The following TSGA10 variants were observed in gnomAD, a reference collection of about 807,000 sequenced individuals.
The protein encoded by TSGA10 is testis specific 10, also known as testis-specific gene 10 protein.
In TSGA10, 43 loss-of-function variants were observed where a neutral mutation model predicts 96.6. That is an observed-to-expected ratio of 0.44 (90% confidence interval 0.35 to 0.57). TSGA10 has a LOEUF of 0.57. Ranked by LOEUF, TSGA10 falls within the 20% of genes least tolerant of loss-of-function variation. The pLI, the probability that TSGA10 is intolerant of heterozygous loss-of-function variation, is 0.01. For missense variants in TSGA10, 703 were observed against 834.4 expected, an observed-to-expected ratio of 0.84 and a Z score of 1.94; for synonymous variants, 229 against 269.9, an observed-to-expected ratio of 0.85 and a Z score of 1.48.
Position 98,997,490 on chromosome 2 carries a change from T to C in TSGA10, c.*707A>G, listed in dbSNP as rs1573256413. 6.6e-6 allele frequency: 1 copy of C among 152,104 alleles called. No individual in the cohort carries two copies. Among genetic ancestry groups the C allele is most frequent in the East Asian group, 1.9e-4 (1 of 5,190 alleles). The allele number at this position is 152,104 out of a possible 1,614,324, so 9.4% of individuals were successfully genotyped here. ...AAAATAAAATCGCAATTAAGTTGATTGCAGTACTTGAAAGAAAACTTATTA... is the reference window on the plus strand; with the variant it reads ...AAAATAAAATCGCAATTAAGTTGATCGCAGTACTTGAAAGAAAACTTATTA... On this transcript the variant is annotated 3_prime_UTR_variant, in exon 21 of 21. Coordinates refer to ENST00000393483, the MANE Select transcript of TSGA10 (RefSeq NM_025244.4).
chr2:99,007,312 G>T (rs1462586417), intron 20 of TSGA10, among the ~76,000 whole-genome samples: 1 of 151,794 alleles, frequency 6.6e-6, no homozygotes. Flanking sequence ...AAAAAAGAGT[G>T]TAAATTTCTC....
At chr2:99,031,136 T>C (rs1573632657) in intron 17 of TSGA10, among the ~76,000 whole-genome samples, 1 of 151,834 alleles carries the variant, frequency 6.6e-6, no homozygotes, top group Non-Finnish European at 1.5e-5. Context: ...GAAAGACAGA[T>C]ACATAGGTAA....
intron 1 of TSGA10, among the ~76,000 whole-genome samples, chr2:99,152,041 T>C (rs375798745): frequency 6.6e-6 from 1 of 152,188 alleles, no homozygotes; most frequent in East Asian, 1.9e-4. Context: ...TTTTTATTAT[T>C]TACAGAACGT....
At chr2:99,045,878 C>T (rs139754819) in intron 16 of TSGA10, among the ~76,000 whole-genome samples, 2,022 of 151,088 alleles carry the variant, frequency 0.013, 175 homozygotes, top group Admixed American at 0.12. Flanking sequence ...AATAAACGGA[C>T]GGAGGAGGAG....
intron 16 of TSGA10, among the ~76,000 whole-genome samples, chr2:99,040,438 C>T (rs573110076): frequency 1.3e-5 from 2 of 152,148 alleles, no homozygotes; most frequent in South Asian, 4.2e-4. Context: ...GTACATAAAT[C>T]ATCACTGCTA....
chr2:99,103,042 C>T (rs2090947685), intron 10 of TSGA10, among the ~76,000 whole-genome samples: 1 of 150,158 alleles, frequency 6.7e-6, no homozygotes, highest in African/African-American at 2.5e-5. Flanking sequence ...GCTTATACTG[C>T]CTTTTTTATA....
chr2:99,151,463 C>CAAAAAA (rs55966864), intron 1 of TSGA10: 3 of 75,342 alleles, frequency 4.0e-5, no homozygotes, highest in Non-Finnish European at 7.5e-5. Flanking sequence ...AACTCCGTCT[C>CAAAAAA]AAAAAAAAAA....
intron 16 of TSGA10, among the ~76,000 whole-genome samples, chr2:99,051,703 T>G (rs1056881348): frequency 6.6e-6 from 1 of 151,982 alleles, no homozygotes; most frequent in African/African-American, 2.4e-5. Context: ...ACATGAAACA[T>G]TCTCTAGAAT....
chr2:99,085,284 A>C lies in TSGA10; in HGVS notation c.612-3887T>G, dbSNP rs937143053. 4.6e-5 allele frequency among the ~76,000 whole-genome samples: 7 copies of C among 151,966 alleles called. No homozygotes were observed. The East Asian group carries it at 1.4e-3, about 29-fold the overall frequency. ...TTAATTAATTTAAAAAATGCATCCA[A>C]AAAAGTAATTAGCCCAAAAAAATTT... On this transcript the variant is annotated intron_variant, in intron 10 of 20. Transcript: ENST00000393483.
In TSGA10 at chr2:99,101,302, C is replaced by G. The variant is rs191043365; in HGVS notation, c.611+2665G>C. 4.8e-5 allele frequency among the ~76,000 whole-genome samples: 6 copies of G among 123,808 alleles called. No homozygotes were observed. The East Asian group carries it at 8.4e-4, about 17-fold the overall frequency. The allele number at this position is 123,808 out of a possible 152,430, so 81.2% of individuals were successfully genotyped here. ...AATCAAATGGGAAAGATGAATAAAT[C>G]TGACTACATAAATAACGTCTGTTAA... On this transcript the variant is annotated intron_variant, in intron 10 of 20. Coordinates refer to ENST00000393483, the MANE Select transcript of TSGA10 (RefSeq NM_025244.4).
intron 20 of TSGA10, among the ~76,000 whole-genome samples, chr2:99,017,921 T>C (rs923489032): frequency 7.9e-5 from 12 of 151,952 alleles, no homozygotes; most frequent in Admixed American, 3.3e-4. Context: ...AAGGAACTTA[T>C]CGGTGTAACA....
chr2:99,098,616 G>GAGA (rs2104752521), intron 10 of TSGA10, among the ~76,000 whole-genome samples: 2 of 150,868 alleles, frequency 1.3e-5, no homozygotes, highest in Admixed American at 1.3e-4. Flanking sequence ...ACAAACAATA[G>GAGA]GATCAAAACC....
intron 12 of TSGA10, among the ~76,000 whole-genome samples, chr2:99,073,585 C>T (rs1335791864): frequency 6.6e-6 from 1 of 152,102 alleles, no homozygotes; most frequent in Non-Finnish European, 1.5e-5. Flanking sequence ...AAAGCTGTTC[C>T]AATCCAATTA....
rs371172909 is a variant in TSGA10, at chr2:99,087,072, T to C, written c.612-5675A>G. 6.2e-4 allele frequency among the ~76,000 whole-genome samples: 94 copies of C among 151,980 alleles called. 1 individual carries two copies. Among genetic ancestry groups the C allele is most frequent in the African/African-American group, 1.9e-3 (79 of 41,446 alleles). Reference sequence around the variant, plus strand: ...ACAAAAAATTAGCCACGTGTGGTGGTGGGCACCTGTAGTCCCAGCTACTGG... The same window carrying C: ...ACAAAAAATTAGCCACGTGTGGTGGCGGGCACCTGTAGTCCCAGCTACTGG... On this transcript the variant is annotated intron_variant, in intron 10 of 20. Coordinates refer to ENST00000393483, the MANE Select transcript of TSGA10 (RefSeq NM_025244.4).
chr2:99,017,691 G>A (rs1159023607), intron 20 of TSGA10, among the ~76,000 whole-genome samples: 2 of 151,322 alleles, frequency 1.3e-5, no homozygotes, highest in Non-Finnish European at 3.0e-5. Context: ...CGTGAACCCG[G>A]GAGGCGGAGC....
intron 17 of TSGA10, among the ~76,000 whole-genome samples, chr2:99,033,498 C>A (rs1008864774): frequency 2.0e-5 from 3 of 152,188 alleles, no homozygotes; most frequent in Non-Finnish European, 1.5e-5. Flanking sequence ...ACAGCCTGCT[C>A]AACAAACTCT....
At chr2:99,003,838 A>G (rs2078204485) in intron 20 of TSGA10, among the ~76,000 whole-genome samples, 1 of 152,236 alleles carries the variant, frequency 6.6e-6, no homozygotes, top group South Asian at 2.1e-4. Flanking sequence ...AATGCCCACA[A>G]GAGAAAGCAG....
chr2:99,035,560 TA>T, intron 16 of TSGA10, 121 bp from the exon 17 acceptor site: 1 of 581,762 alleles, frequency 1.7e-6, no homozygotes, highest in Non-Finnish European at 2.9e-6. Context: ...GTATGAAGTT[TA>T]AATAATACAG....
At chr2:99,035,520 G>A (rs1266559096) in intron 16 of TSGA10, 81 bp from the exon 17 acceptor site, 3 of 976,886 alleles carry the variant, frequency 3.1e-6, no homozygotes, top group Non-Finnish European at 4.4e-6. Context: ...AAATGAAGTG[G>A]GGCAAATCTA....
Sources: gnomAD v4.1 joint callset for allele counts (sites outside exome capture counted in the v4.1 genomes callset) on GRCh38, gnomAD v4.1.1 for gene constraint, MANE v1.5 for transcripts, NCBI Gene and HGNC (gene_info 2026-07-23, HGNC 2026-07-21) for gene names.